The following POU6F2 variants were observed in gnomAD, a reference collection of about 807,000 sequenced individuals.
POU6F2 encodes POU domain, class 6, transcription factor 2.
In POU6F2, 31 loss-of-function variants were observed where a neutral mutation model predicts 71.3. The observed-to-expected ratio is 0.43, with a 90% CI of 0.33 to 0.59. POU6F2 has a LOEUF of 0.59. Ranked by LOEUF, POU6F2 falls within the 20% of genes least tolerant of loss-of-function variation. The probability of loss-of-function intolerance (pLI) is 0.04; values close to 1 mark genes in which losing one functional copy is unlikely to be tolerated. For synonymous variants in POU6F2, 347 were observed against 355.7 expected (o/e 0.98, Z 0.27); for missense variants, 783 against 856.8 (o/e 0.91, Z 1.07).
intron 4 of POU6F2, among the ~76,000 whole-genome samples, chr7:39,259,044 T>C (rs1221971366): frequency 2.0e-5 from 3 of 152,230 alleles, no homozygotes; most frequent in African/African-American, 7.2e-5. Flanking sequence ...AAGGCTCATG[T>C]AACTTGTTTA....
intron 4 of POU6F2, among the ~76,000 whole-genome samples, chr7:39,213,601 A>G (rs1794185739): frequency 6.6e-6 from 1 of 152,168 alleles, no homozygotes; most frequent in African/African-American, 2.4e-5. Context: ...TTCCTGTTCT[A>G]GAACTTCACA....
chr7:39,261,601 C>T (rs576175208), intron 4 of POU6F2, among the ~76,000 whole-genome samples: 48 of 152,304 alleles, frequency 3.2e-4, no homozygotes, highest in Middle Eastern at 3.4e-3. Flanking sequence ...AGAATGTTTA[C>T]GTGCCTTGTT....
intron 4 of POU6F2, among the ~76,000 whole-genome samples, chr7:39,268,006 G>T (rs73382915): frequency 0.016 from 2,450 of 152,222 alleles, 61 homozygotes; most frequent in African/African-American, 0.056. Context: ...TGATCCTGAA[G>T]GTGCACCCCA....
chr7:39,109,103 T>C (rs1366438770), intron 2 of POU6F2, among the ~76,000 whole-genome samples: 1 of 152,186 alleles, frequency 6.6e-6, no homozygotes, highest in Non-Finnish European at 1.5e-5. Context: ...TGGAGTGCAG[T>C]GGTGTGATCA....
intron 2 of POU6F2, among the ~76,000 whole-genome samples, chr7:39,185,849 ATGTATG>A (rs149983936): frequency 0.23 from 20,746 of 90,206 alleles, 1,709 homozygotes; most frequent in East Asian, 0.4. Context: ...GTATATGTAT[ATGTATG>A]TGTATATATG....
intron 2 of POU6F2, among the ~76,000 whole-genome samples, chr7:39,202,684 TA>T (rs1484657379): frequency 6.6e-6 from 1 of 152,192 alleles, no homozygotes; most frequent in African/African-American, 2.4e-5. Flanking sequence ...GCATAATAGG[TA>T]AATCACATCT....
rs1236018413 is a variant in POU6F2, at chr7:39,194,869, A to C, written c.278-9366A>C. On this transcript the variant is annotated intron_variant, in intron 2 of 9. Transcript: ENST00000518318. ...AAGCAATTCTGGACGTGCCACCTTT[A>C]AGAGCTTAACACTGTGAAGGTCTGC... Among the ~76,000 whole-genome samples the C allele has an allele frequency of 4.6e-5, 7 of 152,202 alleles. No homozygotes were observed. In the South Asian group the frequency reaches 1.0e-3, roughly 23 times the overall value.
At chr7:39,071,899 A>T (rs1038172211) in intron 1 of POU6F2, among the ~76,000 whole-genome samples, 3 of 152,144 alleles carry the variant, frequency 2.0e-5, no homozygotes, top group Non-Finnish European at 4.4e-5. Context: ...AATTCAAAAG[A>T]TGATTTCTTG....
chr7:38,991,836 AC>A (rs1788610395), intron 1 of POU6F2, among the ~76,000 whole-genome samples: 1 of 133,358 alleles, frequency 7.5e-6, no homozygotes, highest in African/African-American at 2.7e-5. Flanking sequence ...TTTTCCTTTC[AC>A]TTCTCTCTCT....
At chr7:39,192,316 G>A (rs1793686050) in intron 2 of POU6F2, among the ~76,000 whole-genome samples, 1 of 152,104 alleles carries the variant, frequency 6.6e-6, no homozygotes, top group South Asian at 2.1e-4. Flanking sequence ...TAGAAATGCT[G>A]TTTTATTTCT....
chr7:38,989,016 G>A (rs1309064981), intron 1 of POU6F2, among the ~76,000 whole-genome samples: 1 of 152,042 alleles, frequency 6.6e-6, no homozygotes, highest in African/African-American at 2.4e-5. Flanking sequence ...ATGGTGTCCT[G>A]GAAGATGATC....
chr7:39,031,100 C>T (rs1789932146), intron 1 of POU6F2, among the ~76,000 whole-genome samples: 1 of 151,986 alleles, frequency 6.6e-6, no homozygotes, highest in South Asian at 2.1e-4. Flanking sequence ...GGGGTTTCAC[C>T]ATCTTGGCCA....
chr7:39,327,743 T>C (rs923125293), intron 4 of POU6F2, among the ~76,000 whole-genome samples: 1 of 151,982 alleles, frequency 6.6e-6, no homozygotes, highest in Non-Finnish European at 1.5e-5. Flanking sequence ...AATTTCTTCA[T>C]TTGTAAAACA....
At chr7:39,290,848 T>C (rs920227401) in intron 4 of POU6F2, among the ~76,000 whole-genome samples, 45 of 152,292 alleles carry the variant, frequency 3.0e-4, no homozygotes, top group African/African-American at 1.1e-3. Flanking sequence ...ACCACGTGGC[T>C]GCCAACCAAT....
chr7:39,181,659 T>C (rs2128741516), intron 2 of POU6F2, among the ~76,000 whole-genome samples: 1 of 152,292 alleles, frequency 6.6e-6, no homozygotes, highest in Middle Eastern at 3.4e-3. Context: ...CACAAAGAGC[T>C]CCTGTTCCAA....
chr7:39,287,872 A>T (rs1784678470), intron 4 of POU6F2, among the ~76,000 whole-genome samples: 1 of 119,468 alleles, frequency 8.4e-6, no homozygotes, highest in Non-Finnish European at 1.9e-5. Context: ...CCTTGACGGT[A>T]TACGCAGCAC....
At chr7:39,260,474 C>T (rs897962586) in intron 4 of POU6F2, among the ~76,000 whole-genome samples, 2 of 149,754 alleles carry the variant, frequency 1.3e-5, no homozygotes, top group Non-Finnish European at 3.0e-5. Flanking sequence ...ACACACCATA[C>T]CACACACAAG....
intron 1 of POU6F2, among the ~76,000 whole-genome samples, chr7:39,042,101 T>A (rs1790204510): frequency 6.6e-6 from 1 of 151,948 alleles, no homozygotes; most frequent in African/African-American, 2.4e-5. Context: ...TTGTTTTCCA[T>A]GCCTACATTT....
At chr7:39,117,048 C>A (rs1402093265) in intron 2 of POU6F2, among the ~76,000 whole-genome samples, 3 of 152,076 alleles carry the variant, frequency 2.0e-5, no homozygotes, top group Non-Finnish European at 4.4e-5. Context: ...GAATTATAGC[C>A]AGAGGGACCA....
Sources: gnomAD v4.1 joint callset for allele counts (sites outside exome capture counted in the v4.1 genomes callset) on GRCh38, gnomAD v4.1.1 for gene constraint, MANE v1.5 for transcripts, NCBI Gene and HGNC (gene_info 2026-07-23, HGNC 2026-07-21) for gene names.